The following LRRK1 variants were observed in gnomAD, a reference collection of about 807,000 sequenced individuals.
The protein encoded by LRRK1 is leucine rich repeat kinase 1.
Under a neutral mutation model 209.1 loss-of-function variants are expected in LRRK1, and 113 were observed. That is an observed-to-expected ratio of 0.54 (90% CI 0.46 to 0.63). The LOEUF is 0.63. Among genes scored for constraint, LRRK1 ranks in the 30% least tolerant of loss-of-function variants. The probability of loss-of-function intolerance (pLI) is 0.00; values close to 1 mark genes in which losing one functional copy is unlikely to be tolerated. For missense variants in LRRK1, 2,284 were observed against 2,632.2 expected, an observed-to-expected ratio of 0.87 and a Z score of 2.89; for synonymous variants, 1,144 against 1,099.7, an observed-to-expected ratio of 1.04 and a Z score of -0.80.
chr15:100,963,223 T>C (rs4965348), intron 2 of LRRK1, among the ~76,000 whole-genome samples: 106,783 of 151,772 alleles, frequency 0.7, 37,902 homozygotes, highest in Middle Eastern at 0.76. Flanking sequence ...TGATAGCTGG[T>C]AAGCATTTTT....
chr15:101,002,242 C>T (rs1016167870), intron 6 of LRRK1, among the ~76,000 whole-genome samples: 4 of 152,230 alleles, frequency 2.6e-5, no homozygotes, highest in Admixed American at 6.5e-5. Flanking sequence ...TAGCACCCTC[C>T]TGAACAGCAG....
intron 26 of LRRK1, 103 bp downstream of exon 26, chr15:101,053,523 A>G: frequency 9.8e-7 from 1 of 1,019,186 alleles, no homozygotes; most frequent in Non-Finnish European, 1.4e-6. Flanking sequence ...TGGCAAGCCC[A>G]GGGCACGCCC....
At chr15:101,018,006 T>C (rs2033619022) in intron 12 of LRRK1, among the ~76,000 whole-genome samples, 1 of 152,096 alleles carries the variant, frequency 6.6e-6, no homozygotes, top group Non-Finnish European at 1.5e-5. Flanking sequence ...AATAATTTTT[T>C]AAAAAGACTG....
intron 6 of LRRK1, among the ~76,000 whole-genome samples, chr15:100,996,344 C>A (rs1046607261): frequency 6.6e-6 from 1 of 152,206 alleles, no homozygotes; most frequent in African/African-American, 2.4e-5. Context: ...CCAGCAAGGC[C>A]CCCATGGTGA....
intron 2 of LRRK1, among the ~76,000 whole-genome samples, chr15:100,960,277 C>CCTT (rs5814989): frequency 1.7e-5 from 2 of 116,760 alleles, no homozygotes; most frequent in Non-Finnish European, 3.4e-5. Flanking sequence ...GTTCATATTG[C>CCTT]TTTTTTTTTT....
At position 101,070,308 on chromosome 15, in the gene LRRK1, C is replaced by CTTTTTTT. The variant is rs529158728; in HGVS notation, c.*1480_*1486dup. The CTTTTTTT allele has an allele frequency of 2.1e-5, 2 of 94,832 alleles. No homozygotes were observed. The highest frequency in any genetic ancestry group is 4.5e-5 in the African/African-American group (1 of 22,068). 5.9% of individuals were successfully genotyped at this position (94,832 alleles called of 1,614,324 possible). Reference sequence around the variant, plus strand: ...CTTGGAAAAAGCGAGTCCCCCCACTCTTTTTTTTTTTTTTTTTTTTTTTTT... The same window carrying CTTTTTTT: ...CTTGGAAAAAGCGAGTCCCCCCACTCTTTTTTTTTTTTTTTTTTTTTTTTTTTTTTTT... On this transcript the variant is annotated 3_prime_UTR_variant, in exon 34 of 34. Coordinates refer to ENST00000388948, the MANE Select transcript of LRRK1 (RefSeq NM_024652.6).
At position 101,021,041 on chromosome 15, in the gene LRRK1, A is replaced by C. The variant is rs756090600; in HGVS notation, c.1610-12A>C. The C allele has an allele frequency of 3.1e-6, 5 of 1,613,834 alleles. No individual in the cohort carries two copies. The highest frequency in any genetic ancestry group is 3.3e-5 in the Admixed American group (2 of 59,992). On this transcript the variant is annotated splice_polypyrimidine_tract_variant and intron_variant, in intron 12 of 33. Coordinates refer to ENST00000388948, the MANE Select transcript of LRRK1 (RefSeq NM_024652.6). ...ATTTTTAAATGCAGTCTGCTTTGCC[A>C]TGTCTTTGCAGCAAGTGTGCTGGAA...
At chr15:101,044,338 CAG>C (rs1230287812) in intron 20 of LRRK1, among the ~76,000 whole-genome samples, 1 of 152,256 alleles carries the variant, frequency 6.6e-6, no homozygotes, top group African/African-American at 2.4e-5. Flanking sequence ...GAGGCTGTCT[CAG>C]TGGGGTGGCA....
rs755191615 is a variant in LRRK1, at chr15:101,065,946, G to C, written c.5509G>C (p.Asp1837His). Residue 1837 changes from aspartate (D) to histidine (H), a missense_variant, in exon 32 of 34, where the codon GAC (aspartate) becomes CAC (histidine). Around this residue, in one of 6 missense-constraint regions of LRRK1, gnomAD observed 643 missense variants for 695.9 expected, o/e 0.92. Transcript: ENST00000388948. ...QILIHQESLT[D>H]YCSMSSYSSS... ...CCTGATCCACCAGGAATCACTCACT[G>C]ACTACTGCTCCATGTCCTCCTACTC... 8.1e-6 allele frequency: 13 copies of C among 1,614,158 alleles called. No homozygotes were observed. In the Admixed American group the frequency reaches 1.3e-4, roughly 17 times the overall value.
rs757767321 is a variant in LRRK1, at chr15:101,069,020, G to T, written c.*172G>T. ...GTTACTCGCCTGGCGGTGGCTCCAG[G>T]GTTCTCTGGTTCTCTGGAGCAGAGT... On this transcript the variant is annotated 3_prime_UTR_variant, in exon 34 of 34. Coordinates refer to ENST00000388948, the MANE Select transcript of LRRK1 (RefSeq NM_024652.6). 5 of 540,538 alleles carry T rather than the reference G, an allele frequency of 9.3e-6. No homozygotes were observed. Among genetic ancestry groups the T allele is most frequent in the Non-Finnish European group, 1.6e-5 (5 of 321,936 alleles). The allele number at this position is 540,538 out of a possible 1,614,324, so 33.5% of individuals were successfully genotyped here. A position where few individuals can be genotyped will look rare whatever the true frequency, so the allele number is the denominator to read the frequency against.
At chr15:101,029,683 C>T (rs2034198939) in intron 20 of LRRK1, among the ~76,000 whole-genome samples, 1 of 152,104 alleles carries the variant, frequency 6.6e-6, no homozygotes, top group South Asian at 2.1e-4. Context: ...GCTTGACCAA[C>T]ATGGTGAAAC....
chr15:100,941,132 C>T (rs1173451544), intron 2 of LRRK1, among the ~76,000 whole-genome samples: 1 of 149,380 alleles, frequency 6.7e-6, no homozygotes, highest in Non-Finnish European at 1.5e-5. Context: ...CTGTGTGTGT[C>T]TCTTTGTATG....
chr15:101,027,724 G>A lies in LRRK1; in HGVS notation c.2613G>A (p.Thr871=), dbSNP rs377634889. Residue 871 remains threonine, a synonymous_variant, in exon 19 of 34, where the codon ACG becomes ACA. Coordinates refer to ENST00000388948, the MANE Select transcript of LRRK1 (RefSeq NM_024652.6). The surrounding 1 kb of genome is among the most constrained non-coding windows in gnomAD (Gnocchi z 5.1). ...GGGACGACGACGTGCAGTACCTGAC[G>A]GACAGGCAGCTGGAGCAGCTGGTGG... ...RSRDDDVQYL[T]DRQLEQLVEQ... is the part of the protein sequence containing the mutation. 2.5e-5 allele frequency: 40 copies of A among 1,611,606 alleles called. No homozygotes were observed. Among genetic ancestry groups the A allele is most frequent in the East Asian group, 1.8e-4 (8 of 44,802 alleles).
At position 101,075,948 on chromosome 15, in the gene LRRK1, TTTTC is replaced by T. The variant is rs1339479115; in HGVS notation, c.*7101_*7104del. 2 of 152,338 alleles carry T rather than the reference TTTTC, an allele frequency of 1.3e-5. No homozygotes were observed. Among genetic ancestry groups the T allele is most frequent in the East Asian group, 3.9e-4 (2 of 5,174 alleles). The allele number at this position is 152,338 out of a possible 1,614,324, so 9.4% of individuals were successfully genotyped here. On this transcript the variant is annotated 3_prime_UTR_variant, in exon 34 of 34. Transcript: ENST00000388948. ...CCATTACATCAGTCAAGCCCAAATT[TTTTC>T]CCTATCTGTTACCTATCTCAGCATA...
chr15:101,067,254 C>A (rs761489849), intron 33 of LRRK1: 1 of 456,296 alleles, frequency 2.2e-6, no homozygotes, highest in South Asian at 1.5e-5. Context: ...ATGCCAGTCT[C>A]CTCTGTGAAG....
intron 3 of LRRK1, among the ~76,000 whole-genome samples, chr15:100,975,686 A>T (rs1023056647): frequency 1.3e-5 from 2 of 152,260 alleles, no homozygotes; most frequent in Non-Finnish European, 2.9e-5. Flanking sequence ...TCAACGGTTG[A>T]TGCAAAAGGA....
chr15:100,973,923 C>T lies in LRRK1; in HGVS notation c.217C>T (p.Leu73=), dbSNP rs1233153305. Residue 73 remains leucine (L), a synonymous_variant, in exon 3 of 34, where the codon CTG becomes TTG. Transcript: ENST00000388948. ...RRGDRGGARD[L]LEEACDQCAS... ...GGGAGACCGCGGCGGCGCCCGGGAC[C>T]TGCTGGAGGAGGCCTGCGACCAGTG... 7.9e-7 allele frequency: 1 copy of T among 1,263,714 alleles called. No homozygotes were observed. Among genetic ancestry groups the T allele is most frequent in the Middle Eastern group, 2.9e-4 (1 of 3,416 alleles). The allele number at this position is 1,263,714 out of a possible 1,614,324, so 78.3% of individuals were successfully genotyped here. A position where few individuals can be genotyped will look rare whatever the true frequency, so the allele number is the denominator to read the frequency against.
At chr15:100,996,440 T>C (rs1441228175) in intron 6 of LRRK1, among the ~76,000 whole-genome samples, 1 of 152,210 alleles carries the variant, frequency 6.6e-6, no homozygotes, top group Admixed American at 6.5e-5. Context: ...GAGGCCCTTT[T>C]CCTACCCTCT....
In LRRK1 at chr15:100,934,802, C is replaced by CA. The variant is rs56258040; in HGVS notation, c.97+10093dup. 9.2e-3 allele frequency among the ~76,000 whole-genome samples: 486 copies of CA among 52,984 alleles called. 8 individuals are homozygous for CA. Among genetic ancestry groups the CA allele is most frequent in the East Asian group, 0.019 (28 of 1,512 alleles). 34.8% of individuals were successfully genotyped at this position (52,984 alleles called of 152,430 possible). ...TGGGTGACACAGCAAGAAACTGTCT[C>CA]AAAAAAAAAAAAAAAAAAAAGGAAG... On this transcript the variant is annotated intron_variant, in intron 2 of 33. Transcript: ENST00000388948.
Sources: allele counts gnomAD v4.1 joint callset (sites outside exome capture counted in the v4.1 genomes callset), GRCh38; gene constraint gnomAD v4.1.1; regional missense constraint gnomAD v4.1.1; non-coding constraint Gnocchi (gnomAD v3.1); transcripts MANE v1.5; gene names NCBI Gene and HGNC (gene_info 2026-07-23, HGNC 2026-07-21).